Variants in GABRB1 observed in about 807,000 individuals in gnomAD.
GABRB1 encodes gamma-aminobutyric acid type A receptor subunit beta1.
In GABRB1, 17 loss-of-function variants were observed where a neutral mutation model predicts 51.6. The observed-to-expected ratio is 0.33, with a 90% CI of 0.23 to 0.49. The LOEUF is 0.49. Among genes scored for constraint, GABRB1 ranks in the 20% least tolerant of loss-of-function variants. The pLI is 0.99. For synonymous variants in GABRB1, 247 were observed against 218.9 expected (o/e 1.13, Z -1.14); for missense variants, 410 against 600.6 (o/e 0.68, Z 3.32).
At chr4:47,107,373 A>G (rs1715012640) in intron 3 of GABRB1, among the ~76,000 whole-genome samples, 1 of 151,986 alleles carries the variant, frequency 6.6e-6, no homozygotes, top group Non-Finnish European at 1.5e-5. Context: ...TCAACTGCTC[A>G]CCAACCTAAT....
At chr4:47,070,258 A>G (rs1393941466) in intron 3 of GABRB1, among the ~76,000 whole-genome samples, 1 of 149,464 alleles carries the variant, frequency 6.7e-6, no homozygotes, top group Non-Finnish European at 1.5e-5. Flanking sequence ...CTGGTCTCAA[A>G]CTCCTGACCT....
At chr4:47,114,547 T>C (rs550496978) in intron 3 of GABRB1, among the ~76,000 whole-genome samples, 2 of 152,328 alleles carry the variant, frequency 1.3e-5, no homozygotes, top group East Asian at 3.9e-4. Context: ...ATTCATCTTC[T>C]TCAAGGAAGC....
At chr4:47,253,525 T>G (rs922293589) in intron 4 of GABRB1, among the ~76,000 whole-genome samples, 1 of 152,196 alleles carries the variant, frequency 6.6e-6, no homozygotes, top group African/African-American at 2.4e-5. Flanking sequence ...TCTCTTCCTC[T>G]GATTCCATCT....
chr4:47,029,435 T>G (rs1725210688), upstream of GABRB1, among the ~76,000 whole-genome samples: 1 of 151,186 alleles, frequency 6.6e-6, no homozygotes, highest in Non-Finnish European at 1.5e-5. Flanking sequence ...CTTCTGGAAG[T>G]TTTTTTTTCT....
intron 3 of GABRB1, among the ~76,000 whole-genome samples, chr4:47,123,881 TAA>T (rs1491429342): frequency 2.4e-4 from 19 of 78,994 alleles, no homozygotes; most frequent in African/African-American, 7.3e-4. Flanking sequence ...ATCTTATATA[TAA>T]TATATATAAT....
chr4:47,007,126 C>T (rs117315376), intron 1 of GABRB1, among the ~76,000 whole-genome samples: 4,431 of 141,288 alleles, frequency 0.031, 291 homozygotes, highest in East Asian at 0.14. Context: ...AGTGACAGAG[C>T]GAGACCCTGT....
At chr4:47,104,892 CTGAT>C (rs927709480) in intron 3 of GABRB1, among the ~76,000 whole-genome samples, 2 of 151,970 alleles carry the variant, frequency 1.3e-5, no homozygotes, top group African/African-American at 4.8e-5. Context: ...AAAAAATTCT[CTGAT>C]TGTTTCAACA....
chr4:47,040,356 G>C (rs1013895926), intron 3 of GABRB1, among the ~76,000 whole-genome samples: 1 of 152,150 alleles, frequency 6.6e-6, no homozygotes, highest in Non-Finnish European at 1.5e-5. Context: ...CAGATGAGAG[G>C]TGATAGATGC....
At chr4:47,093,507 C>T (rs1460023549) in intron 3 of GABRB1, among the ~76,000 whole-genome samples, 2 of 152,140 alleles carry the variant, frequency 1.3e-5, no homozygotes, top group African/African-American at 4.8e-5. Context: ...TTGATACTTC[C>T]ATTTGCCAGA....
intron 8 of GABRB1, among the ~76,000 whole-genome samples, chr4:47,425,086 C>G (rs2110070157): frequency 6.6e-6 from 1 of 152,222 alleles, no homozygotes; most frequent in East Asian, 1.9e-4. Flanking sequence ...CATCTAACAA[C>G]AGATTAATTC....
intron 1 of GABRB1, among the ~76,000 whole-genome samples, chr4:47,013,293 A>G (rs1724635900): frequency 1.3e-5 from 2 of 152,116 alleles, no homozygotes; most frequent in African/African-American, 4.8e-5. Context: ...TACTTTTAGA[A>G]ATAAGCTGGG....
At chr4:46,995,419 G>A (rs1045257503) in intron 1 of GABRB1, among the ~76,000 whole-genome samples, 17 of 152,164 alleles carry the variant, frequency 1.1e-4, no homozygotes, top group Non-Finnish European at 5.9e-5. Context: ...GAGAGCAGTG[G>A]TACCATCATA....
chr4:47,328,134 C>A, intron 5 of GABRB1, among the ~76,000 whole-genome samples: 1 of 152,148 alleles, frequency 6.6e-6, no homozygotes, highest in Non-Finnish European at 1.5e-5. Flanking sequence ...TGTTCATATC[C>A]TTTGCCCACT....
intron 4 of GABRB1, among the ~76,000 whole-genome samples, chr4:47,300,617 C>G (rs148770945): frequency 2.6e-5 from 4 of 151,814 alleles, no homozygotes; most frequent in African/African-American, 9.7e-5. Flanking sequence ...GAGGTAAAGA[C>G]CTTTTTAAAT....
At chr4:47,149,223 A>G (rs1717317924) in intron 3 of GABRB1, among the ~76,000 whole-genome samples, 1 of 152,088 alleles carries the variant, frequency 6.6e-6, no homozygotes. Flanking sequence ...AGAAATTATT[A>G]TTAAGTATTT....
At chr4:47,418,731 C>A (rs1299145259) in intron 8 of GABRB1, among the ~76,000 whole-genome samples, 1 of 152,154 alleles carries the variant, frequency 6.6e-6, no homozygotes, top group Non-Finnish European at 1.5e-5. Context: ...AAAATCCCTG[C>A]CCCCTTGGAG....
chr4:47,189,841 A>G (rs1486770998), intron 4 of GABRB1, among the ~76,000 whole-genome samples: 1 of 151,922 alleles, frequency 6.6e-6, no homozygotes, highest in Non-Finnish European at 1.5e-5. Flanking sequence ...ATTGAATCAG[A>G]CTATTATGTT....
chr4:47,001,251 T>A (rs1298950080), intron 1 of GABRB1, among the ~76,000 whole-genome samples: 2 of 152,120 alleles, frequency 1.3e-5, no homozygotes, highest in Non-Finnish European at 2.9e-5. Context: ...CACGCCATTC[T>A]CCTGCCTCAG....
rs530313109 is a variant in GABRB1 at position 47,190,947 on chromosome 4, A to G, written c.461+29478A>G. On this transcript the variant is annotated intron_variant, in intron 4 of 8. Transcript: ENST00000295454. ...TGCTGGAGCCAGATCTAACTTGTACATGTAATTTTTCCTCATACTCACATT... is the reference window on the plus strand; with the variant it reads ...TGCTGGAGCCAGATCTAACTTGTACGTGTAATTTTTCCTCATACTCACATT... Among the ~76,000 whole-genome samples, 17 of 152,294 alleles carry G rather than the reference A, an allele frequency of 1.1e-4. No individual in the cohort carries two copies. In the East Asian group the frequency reaches 3.3e-3, roughly 29 times the overall value.
Sources: gnomAD v4.1 joint callset for allele counts (sites outside exome capture counted in the v4.1 genomes callset) on GRCh38, gnomAD v4.1.1 for gene constraint, MANE v1.5 for transcripts, NCBI Gene and HGNC (gene_info 2026-07-23, HGNC 2026-07-21) for gene names.